THSD4: variants seen among roughly 807,000 people sequenced by gnomAD.
The protein encoded by THSD4 is thrombospondin type-1 domain-containing protein 4.
A neutral mutation model predicts 119.0 loss-of-function variants in THSD4; 69 were observed. The observed-to-expected ratio is 0.58, with a 90% CI of 0.48 to 0.71. The LOEUF is 0.71. Ranked by LOEUF, THSD4 falls within the 30% of genes least tolerant of loss-of-function variation. The pLI is 0.00. For missense variants in THSD4, 1,393 were observed against 1,391.1 expected (o/e 1.00, Z -0.02); for synonymous variants, 524 against 540.4 (o/e 0.97, Z 0.42).
intron 7 of THSD4, among the ~76,000 whole-genome samples, chr15:71,439,988 C>T (rs1478321968): frequency 2.6e-5 from 4 of 152,114 alleles, no homozygotes; most frequent in Non-Finnish European, 5.9e-5. Context: ...ATGTTCTGCA[C>T]ATGTACCCCA....
chr15:71,603,353 T>G (rs968237323), intron 7 of THSD4, among the ~76,000 whole-genome samples: 2 of 152,196 alleles, frequency 1.3e-5, no homozygotes, highest in African/African-American at 4.8e-5. Flanking sequence ...ACACAGGAAC[T>G]AAAGAAGCCA....
At chr15:71,629,189 C>G (rs557530503) in intron 7 of THSD4, among the ~76,000 whole-genome samples, 1 of 152,326 alleles carries the variant, frequency 6.6e-6, no homozygotes, top group Admixed American at 6.5e-5. Context: ...TGGGGGCTCC[C>G]TCTGCATGAA....
intron 2 of THSD4, among the ~76,000 whole-genome samples, chr15:71,154,649 G>C (rs1389778579): frequency 6.6e-6 from 1 of 152,206 alleles, no homozygotes; most frequent in Non-Finnish European, 1.5e-5. Context: ...GCTGGGATGT[G>C]ATCCCACATC....
intron 7 of THSD4, among the ~76,000 whole-genome samples, chr15:71,613,417 C>T (rs1051434948): frequency 1.1e-4 from 17 of 152,208 alleles, no homozygotes; most frequent in African/African-American, 3.9e-4. Context: ...AACCACTTTA[C>T]GAAACCCTGA....
At chr15:71,466,132 G>T (rs182310435) in intron 7 of THSD4, among the ~76,000 whole-genome samples, 3 of 151,952 alleles carry the variant, frequency 2.0e-5, no homozygotes, top group Non-Finnish European at 4.4e-5. Context: ...GGTGGATCAC[G>T]AGGTCAGGAG....
Position 71,154,845 on chromosome 15 carries a change from G to A in THSD4, c.30-18G>A. 1 of 1,613,710 alleles carries A rather than the reference G, an allele frequency of 6.2e-7. No homozygotes were observed. Among genetic ancestry groups the A allele is most frequent in the Non-Finnish European group, 8.5e-7 (1 of 1,179,672 alleles). Reference sequence around the variant, plus strand: ...GAACATACTCACCATCCTGCCTGTTGCTATTTTCCCTTTTCAGTGTCCTGT... The same window carrying A: ...GAACATACTCACCATCCTGCCTGTTACTATTTTCCCTTTTCAGTGTCCTGT... On this transcript the variant is annotated intron_variant, in intron 2 of 17. Coordinates refer to ENST00000261862, the MANE Select transcript of THSD4 (RefSeq NM_024817.3).
At chr15:71,652,699 C>T (rs780202264) in intron 7 of THSD4, among the ~76,000 whole-genome samples, 17 of 152,116 alleles carry the variant, frequency 1.1e-4, no homozygotes, top group African/African-American at 2.7e-4. Flanking sequence ...CCTACAAGAG[C>T]GCCAACATTT....
At chr15:71,388,260 G>A (rs2046318936) in intron 6 of THSD4, among the ~76,000 whole-genome samples, 1 of 152,156 alleles carries the variant, frequency 6.6e-6, no homozygotes. Context: ...TAGCCTGTAG[G>A]TGATTCATTA....
chr15:71,660,654 G>C lies in THSD4; in HGVS notation c.1277G>C (p.Gly426Ala). Reference sequence around the variant, plus strand: ...TTTAAGCATGCCCTCACCAGCCTGGGCTACCACCGCGTCGTGGAGATTCCC... The same window carrying C: ...TTTAAGCATGCCCTCACCAGCCTGGCCTACCACCGCGTCGTGGAGATTCCC... Reference protein sequence around the residue: ...GVFKHALTSLGYHRVVEIPEG... With the variant: ...GVFKHALTSLAYHRVVEIPEG... The change falls in exon 8 of 18, where the codon GGC (glycine) becomes GCC (alanine). Residue 426 changes from glycine (G) to alanine (A), a missense_variant. By Grantham distance (60) the Gly-to-Ala change is moderately conservative. Transcript: ENST00000261862. 1 of 1,614,172 alleles carries C rather than the reference G, an allele frequency of 6.2e-7. No homozygotes were observed. The highest frequency in any genetic ancestry group is 8.5e-7 in the Non-Finnish European group (1 of 1,180,026).
chr15:71,662,768 G>T (rs1189954298), intron 8 of THSD4, among the ~76,000 whole-genome samples: 3 of 152,124 alleles, frequency 2.0e-5, no homozygotes, highest in Non-Finnish European at 4.4e-5. Context: ...CTTATAAGTA[G>T]TCATGCGATT....
At chr15:71,690,832 C>T (rs1294078839) in intron 8 of THSD4, among the ~76,000 whole-genome samples, 1 of 152,174 alleles carries the variant, frequency 6.6e-6, no homozygotes, top group Non-Finnish European at 1.5e-5. Context: ...ATGGCAAAGA[C>T]CTGCCCCCAT....
chr15:71,424,673 G>A (rs2046847054), intron 7 of THSD4, among the ~76,000 whole-genome samples: 1 of 152,012 alleles, frequency 6.6e-6, no homozygotes, highest in Admixed American at 6.5e-5. Flanking sequence ...ATATCACTTA[G>A]GTCTAATTAA....
intron 3 of THSD4, among the ~76,000 whole-genome samples, chr15:71,158,296 G>A (rs1473783854): frequency 1.3e-5 from 2 of 151,868 alleles, no homozygotes; most frequent in Non-Finnish European, 2.9e-5. Flanking sequence ...TGGGATTACA[G>A]GCATGCGCCA....
intron 8 of THSD4, among the ~76,000 whole-genome samples, chr15:71,671,137 C>T (rs1397174444): frequency 1.3e-5 from 2 of 152,226 alleles, no homozygotes; most frequent in African/African-American, 4.8e-5. Context: ...CACATCCTCT[C>T]CAGCACCTGT....
chr15:71,210,316 T>C (rs981012681), intron 3 of THSD4, among the ~76,000 whole-genome samples: 1 of 152,184 alleles, frequency 6.6e-6, no homozygotes, highest in Non-Finnish European at 1.5e-5. Context: ...AGATAATATA[T>C]ATAAAGTAAT....
At chr15:71,723,281 A>G (rs1253922603) in intron 8 of THSD4, among the ~76,000 whole-genome samples, 2 of 152,170 alleles carry the variant, frequency 1.3e-5, no homozygotes, top group Admixed American at 1.3e-4. Context: ...CAATGCCATC[A>G]ATACTTCCTT....
intron 6 of THSD4, among the ~76,000 whole-genome samples, chr15:71,343,589 T>C (rs10851840): frequency 0.67 from 101,778 of 151,910 alleles, 34,422 homozygotes; most frequent in East Asian, 0.8. Context: ...CAAGCCTCTG[T>C]CTTTGTCTTC....
intron 7 of THSD4, among the ~76,000 whole-genome samples, chr15:71,641,945 C>T (rs749574635): frequency 1.8e-4 from 28 of 152,108 alleles, no homozygotes; most frequent in African/African-American, 5.3e-4. Flanking sequence ...CCTGAGAAGA[C>T]GACCTGTTTT....
At position 71,645,863 on chromosome 15, in the gene THSD4, C is replaced by T. The variant is rs151199306; in HGVS notation, c.1153-14667C>T. On this transcript the variant is annotated intron_variant, in intron 7 of 17. Coordinates refer to ENST00000261862, the MANE Select transcript of THSD4 (RefSeq NM_024817.3). ...GGGGAAATTCAAGATGCAATTAAGA[C>T]GACTCCTTTCCAAGAAATACCAGGA... Among the ~76,000 whole-genome samples the T allele has an allele frequency of 1.6e-3, 241 of 152,288 alleles. 1 individual carries two copies. The highest frequency in any genetic ancestry group is 5.4e-3 in the African/African-American group (225 of 41,554).
Sources: allele counts gnomAD v4.1 joint callset (sites outside exome capture counted in the v4.1 genomes callset), GRCh38; gene constraint gnomAD v4.1.1; transcripts MANE v1.5; gene names NCBI Gene and HGNC (gene_info 2026-07-23, HGNC 2026-07-21).